The following CCDC126 variants were observed in gnomAD, a reference collection of about 807,000 sequenced individuals.
CCDC126 encodes coiled-coil domain containing 126.
A neutral mutation model predicts 11.7 loss-of-function variants in CCDC126; 5 were observed. That is an observed-to-expected ratio of 0.43 (90% confidence interval 0.22 to 0.90). The LOEUF (loss-of-function observed/expected upper bound fraction) is 0.90, where lower values mean the gene tolerates loss of function less well. Among genes scored for constraint, CCDC126 ranks in the 40% least tolerant of loss-of-function variants. The pLI is 0.27. For synonymous variants in CCDC126, 60 were observed against 61.9 expected (o/e 0.97, Z 0.14); for missense variants, 150 against 163.1 (o/e 0.92, Z 0.44).
Position 23,597,580 on chromosome 7 carries a change from G to T in CCDC126, c.-256G>T, listed in dbSNP as rs2128012621. On this transcript the variant is annotated 5_prime_UTR_variant, in exon 1 of 4. Coordinates refer to ENST00000307471, the MANE Select transcript of CCDC126 (RefSeq NM_138771.4). ...GGCTCAGAAGCTCCGTGGCGGCGGCGACCGTGACGAGAAGCCCACGGCCAG... is the reference window on the plus strand; with the variant it reads ...GGCTCAGAAGCTCCGTGGCGGCGGCTACCGTGACGAGAAGCCCACGGCCAG... 6.6e-6 allele frequency: 1 copy of T among 152,360 alleles called. No homozygotes were observed. Among genetic ancestry groups the T allele is most frequent in the African/African-American group, 2.4e-5 (1 of 41,582 alleles). 9.4% of individuals were successfully genotyped at this position (152,360 alleles called of 1,614,324 possible).
chr7:23,633,069 C>T (rs1783143794), intron 3 of CCDC126, among the ~76,000 whole-genome samples: 1 of 152,118 alleles, frequency 6.6e-6, no homozygotes, highest in Non-Finnish European at 1.5e-5. Flanking sequence ...CTCGGCTCAC[C>T]ATAACCTCCA....
At chr7:23,639,366 T>G (rs544016784) in intron 3 of CCDC126, among the ~76,000 whole-genome samples, 2 of 152,252 alleles carry the variant, frequency 1.3e-5, no homozygotes, top group Non-Finnish European at 2.9e-5. Context: ...CTAATTTTTT[T>G]GTATTTTTAG....
rs143578663 is a variant in CCDC126, at chr7:23,632,568, A to G, written c.239-10363A>G. Among the ~76,000 whole-genome samples, 342 of 152,330 alleles carry G rather than the reference A, an allele frequency of 2.2e-3. 2 individuals are homozygous for G. The highest frequency in any genetic ancestry group is 7.8e-3 in the African/African-American group (325 of 41,570). On this transcript the variant is annotated intron_variant, in intron 3 of 3. Coordinates refer to ENST00000307471, the MANE Select transcript of CCDC126 (RefSeq NM_138771.4). ...ATATTCTGCGTCTTAACTCTTATCAATGTCAGCATTCTTGTTGTGATATTG... is the reference window on the plus strand; with the variant it reads ...ATATTCTGCGTCTTAACTCTTATCAGTGTCAGCATTCTTGTTGTGATATTG...
At chr7:23,619,343 A>G in intron 3 of CCDC126, 1 of 352,492 alleles carries the variant, frequency 2.8e-6, no homozygotes, top group African/African-American at 2.2e-5. Flanking sequence ...ATAGGGAAGC[A>G]AAAGAACACA....
At chr7:23,627,646 T>C (rs1704934429) in intron 3 of CCDC126, among the ~76,000 whole-genome samples, 2 of 152,054 alleles carry the variant, frequency 1.3e-5, no homozygotes, top group Admixed American at 1.3e-4. Context: ...TCACCCAGGC[T>C]GGAGTACAGT....
At chr7:23,607,104 GCAAAAAA>G (rs767455166) in intron 2 of CCDC126, among the ~76,000 whole-genome samples, 1 of 151,274 alleles carries the variant, frequency 6.6e-6, no homozygotes, top group East Asian at 2.0e-4. Context: ...TGTCTCAAAA[GCAAAAAA>G]CAAAAAACAA....
chr7:23,597,660 C>A, intron 1 of CCDC126, 55 bp downstream of exon 1: 1 of 152,802 alleles, frequency 6.5e-6, no homozygotes, highest in South Asian at 1.9e-4. Context: ...GCGCGCCCCT[C>A]AGCCTAGCCG....
chr7:23,631,686 T>A (rs1293667142), intron 3 of CCDC126, among the ~76,000 whole-genome samples: 3 of 151,750 alleles, frequency 2.0e-5, no homozygotes, highest in African/African-American at 7.3e-5. Context: ...GCTTGAACCC[T>A]AGAGGCAGAG....
At position 23,605,991 on chromosome 7, in the gene CCDC126, TG is replaced by T. The variant is rs779869456; in HGVS notation, c.-145-5179del. ...CCAACACTTGTTTTCTGTTTTTTTT[TG>T]TGTGTGTGTGTGTGTGATAACTATC... On this transcript the variant is annotated intron_variant, in intron 2 of 3. Coordinates refer to ENST00000307471, the MANE Select transcript of CCDC126 (RefSeq NM_138771.4). 4.0e-5 allele frequency among the ~76,000 whole-genome samples: 6 copies of T among 148,296 alleles called. 1 individual carries two copies. The highest frequency in any genetic ancestry group is 1.5e-4 in the African/African-American group (6 of 38,762).
intron 3 of CCDC126, among the ~76,000 whole-genome samples, chr7:23,636,769 T>G (rs1243983613): frequency 5.7e-5 from 6 of 104,364 alleles, no homozygotes; most frequent in Non-Finnish European, 7.9e-5. Flanking sequence ...GGGAGGGAGG[T>G]GGGGGGGGGG....
At chr7:23,629,522 T>G (rs894078658) in intron 3 of CCDC126, among the ~76,000 whole-genome samples, 7 of 152,186 alleles carry the variant, frequency 4.6e-5, no homozygotes, top group Admixed American at 1.3e-4. Flanking sequence ...GAAAAAGATT[T>G]TAAAGCTGCT....
At chr7:23,606,140 G>T (rs1317058047) in intron 2 of CCDC126, among the ~76,000 whole-genome samples, 1 of 151,986 alleles carries the variant, frequency 6.6e-6, no homozygotes, top group Non-Finnish European at 1.5e-5. Flanking sequence ...CTTACTGCAA[G>T]CTCCGCCTCC....
chr7:23,610,981 C>G (rs1782701655), intron 2 of CCDC126, among the ~76,000 whole-genome samples, 190 bp from the exon 3 acceptor site: 1 of 152,014 alleles, frequency 6.6e-6, no homozygotes, highest in African/African-American at 2.4e-5. Flanking sequence ...ACATTTGTTT[C>G]TAGTTTAAAC....
intron 3 of CCDC126, among the ~76,000 whole-genome samples, chr7:23,624,671 C>A (rs1782982246): frequency 6.6e-6 from 1 of 152,176 alleles, no homozygotes; most frequent in East Asian, 1.9e-4. Context: ...AGTTTTCCAA[C>A]CTGTGGTACC....
intron 2 of CCDC126, among the ~76,000 whole-genome samples, chr7:23,607,941 G>A (rs866147158): frequency 7.2e-5 from 11 of 152,168 alleles, no homozygotes; most frequent in Non-Finnish European, 1.0e-4. Flanking sequence ...CATAGCCTCC[G>A]TCCAGAAGCC....
intron 2 of CCDC126, among the ~76,000 whole-genome samples, chr7:23,607,022 C>A (rs1782635408): frequency 6.6e-6 from 1 of 152,092 alleles, no homozygotes; most frequent in South Asian, 2.1e-4. Context: ...TTGCTTGAGC[C>A]CGGAAGGCCG....
At chr7:23,632,015 C>G (rs1031593450) in intron 3 of CCDC126, among the ~76,000 whole-genome samples, 1 of 150,982 alleles carries the variant, frequency 6.6e-6, no homozygotes, top group African/African-American at 2.4e-5. Flanking sequence ...AAAATTCCCC[C>G]AAATATAGAT....
intron 3 of CCDC126, among the ~76,000 whole-genome samples, chr7:23,617,189 A>G (rs546483310): frequency 2.6e-5 from 4 of 151,928 alleles, no homozygotes; most frequent in Admixed American, 2.6e-4. Context: ...CTCTACTAAA[A>G]ATACGAAAAT....
intron 3 of CCDC126, among the ~76,000 whole-genome samples, chr7:23,632,649 A>AT (rs1399140258): frequency 6.6e-6 from 1 of 152,174 alleles, no homozygotes; most frequent in Non-Finnish European, 1.5e-5. Flanking sequence ...GGGAATTGGA[A>AT]TTTTTGTATT....
Sources: allele counts gnomAD v4.1 joint callset (sites outside exome capture counted in the v4.1 genomes callset), GRCh38; gene constraint gnomAD v4.1.1; transcripts MANE v1.5; gene names NCBI Gene and HGNC (gene_info 2026-07-23, HGNC 2026-07-21).